The following ANKRD31 variants were observed in gnomAD, a reference collection of about 807,000 sequenced individuals.
ANKRD31 encodes ankyrin repeat domain 31.
Under a neutral mutation model 186.0 loss-of-function variants are expected in ANKRD31, and 147 were observed. The observed-to-expected ratio is 0.79, with a 90% CI of 0.69 to 0.91. ANKRD31 has a LOEUF of 0.91. Among genes scored for constraint, ANKRD31 ranks in the 40% least tolerant of loss-of-function variants. The probability of loss-of-function intolerance (pLI) is 0.00; values close to 1 mark genes in which losing one functional copy is unlikely to be tolerated. For missense variants in ANKRD31, 1,986 were observed against 2,148.8 expected (o/e 0.92, Z 1.50); for synonymous variants, 673 against 736.4 (o/e 0.91, Z 1.39).
At chr5:75,169,307 A>G (rs1753151179) in intron 10 of ANKRD31, 186 bp from the exon 11 acceptor site, 1 of 667,064 alleles carries the variant, frequency 1.5e-6, no homozygotes, top group Non-Finnish European at 2.4e-6. Flanking sequence ...TGAAGGACAA[A>G]TCAAACTCCT....
At chr5:75,148,712 G>T in intron 12 of ANKRD31, 84 bp from the exon 13 acceptor site, 1 of 981,070 alleles carries the variant, frequency 1.0e-6, no homozygotes, top group South Asian at 1.8e-5. Flanking sequence ...CCTTTGCCAC[G>T]AGAAAACCAA....
At chr5:75,148,473 T>C (rs1417315507) in intron 13 of ANKRD31, 103 bp downstream of exon 13, 1 of 775,612 alleles carries the variant, frequency 1.3e-6, no homozygotes, top group Non-Finnish European at 1.9e-6. Flanking sequence ...TGTGAAGTCA[T>C]TATTACTAAA....
chr5:75,224,145 ATATATATATATATATG>A (rs57150850), intron 2 of ANKRD31, among the ~76,000 whole-genome samples: 10,313 of 73,194 alleles, frequency 0.14, 490 homozygotes, highest in South Asian at 0.17. Context: ...ATATATATAT[ATATATATATATATATG>A]TATATATATA....
intron 21 of ANKRD31, among the ~76,000 whole-genome samples, chr5:75,107,165 A>T (rs1409375176): frequency 6.6e-6 from 1 of 152,038 alleles, no homozygotes; most frequent in Non-Finnish European, 1.5e-5. Context: ...GCTTAGAAGG[A>T]CGTTTGTGAC....
At chr5:75,156,723 G>A (rs574434877) in intron 11 of ANKRD31, among the ~76,000 whole-genome samples, 143 of 152,266 alleles carry the variant, frequency 9.4e-4, no homozygotes, top group African/African-American at 3.1e-3. Context: ...AGTCAAGGGA[G>A]AGGTTGAAGT....
intron 5 of ANKRD31, among the ~76,000 whole-genome samples, chr5:75,206,140 G>A: frequency 6.9e-6 from 1 of 145,530 alleles, no homozygotes; most frequent in South Asian, 2.2e-4. Context: ...CTACTCGGGA[G>A]GCTAAGGCAG....
chr5:75,235,375 T>G (rs1379430352), intron 1 of ANKRD31, among the ~76,000 whole-genome samples: 1 of 152,082 alleles, frequency 6.6e-6, no homozygotes, highest in Non-Finnish European at 1.5e-5. Context: ...GAATATTTTT[T>G]AAAAACTACT....
intron 18 of ANKRD31, among the ~76,000 whole-genome samples, chr5:75,117,059 T>G (rs887262229): frequency 1.3e-5 from 2 of 152,150 alleles, no homozygotes; most frequent in African/African-American, 4.8e-5. Flanking sequence ...TCTTAACCAA[T>G]ATGACTGGAT....
intron 12 of ANKRD31, among the ~76,000 whole-genome samples, chr5:75,151,623 T>C (rs1396793597): frequency 6.6e-6 from 1 of 152,054 alleles, no homozygotes; most frequent in Non-Finnish European, 1.5e-5. Context: ...CCTTTATAAG[T>C]TACCCAGTCT....
intron 11 of ANKRD31, among the ~76,000 whole-genome samples, chr5:75,155,215 G>A (rs902966704): frequency 8.5e-5 from 13 of 152,050 alleles, no homozygotes; most frequent in Non-Finnish European, 1.8e-4. Context: ...TGAGTCAGCC[G>A]TGGTTAATTT....
At position 75,080,267 on chromosome 5, in the gene ANKRD31, T is replaced by G. The variant is rs533156718; in HGVS notation, c.5647+301A>C. On this transcript the variant is annotated intron_variant, in intron 25 of 25. Coordinates refer to ENST00000506364, the MANE Select transcript of ANKRD31 (RefSeq NM_001372053.1). ...TAAATCCAGTTTTAAAACAGCAATC[T>G]TTTAAATCACGTTCATGCTTTCATT... 2.0e-5 allele frequency among the ~76,000 whole-genome samples: 3 copies of G among 152,338 alleles called. No homozygotes were observed. In the East Asian group the frequency reaches 5.8e-4, roughly 29 times the overall value.
chr5:75,093,397 G>A (rs1290666044), intron 22 of ANKRD31, among the ~76,000 whole-genome samples: 7 of 151,944 alleles, frequency 4.6e-5, no homozygotes, highest in African/African-American at 1.7e-4. Flanking sequence ...CAGGAGAATC[G>A]CTTGAACCTG....
intron 17 of ANKRD31, among the ~76,000 whole-genome samples, chr5:75,132,685 A>G (rs906953697): frequency 6.6e-5 from 10 of 152,284 alleles, no homozygotes; most frequent in East Asian, 5.8e-4. Flanking sequence ...GATACTCCTC[A>G]AGAAGAGCAA....
At chr5:75,202,056 C>T (rs192422598) in intron 5 of ANKRD31, among the ~76,000 whole-genome samples, 3 of 152,314 alleles carry the variant, frequency 2.0e-5, no homozygotes, top group South Asian at 4.1e-4. Context: ...CCAGACAAAA[C>T]CAATGTACTT....
chr5:75,131,135 G>A (rs902477853), intron 17 of ANKRD31, among the ~76,000 whole-genome samples: 16 of 152,124 alleles, frequency 1.1e-4, no homozygotes, highest in Non-Finnish European at 2.1e-4. Flanking sequence ...ACCACACGCA[G>A]CCCCAGCTCC....
Position 75,118,305 on chromosome 5 carries a change from G to T in ANKRD31, c.3877-8C>A. ...TAGTAGAATCTCAGCTGCCTACAAA[G>T]TATTTTTTCAAAGTTATCTCTACAG... On this transcript the variant is annotated splice_region_variant and splice_polypyrimidine_tract_variant and intron_variant, in intron 17 of 25. Transcript: ENST00000506364. The T allele has an allele frequency of 6.8e-7, 1 of 1,464,686 alleles. No homozygotes were observed. Among genetic ancestry groups the T allele is most frequent in the Non-Finnish European group, 8.9e-7 (1 of 1,119,222 alleles). 90.7% of individuals were successfully genotyped at this position (1,464,686 alleles called of 1,614,324 possible).
chr5:75,077,243 AT>A (rs1246748686), intron 25 of ANKRD31, among the ~76,000 whole-genome samples: 1 of 151,986 alleles, frequency 6.6e-6, no homozygotes, highest in African/African-American at 2.4e-5. Flanking sequence ...CAATTTTTCC[AT>A]TTTTAAAATA....
chr5:75,150,977 AG>A (rs1751803322), intron 12 of ANKRD31, among the ~76,000 whole-genome samples: 2 of 151,918 alleles, frequency 1.3e-5, no homozygotes. Flanking sequence ...CTTGGAAGGA[AG>A]TTTTTTGCTC....
chr5:75,215,894 T>C (rs1203012079), intron 3 of ANKRD31, among the ~76,000 whole-genome samples: 3 of 152,058 alleles, frequency 2.0e-5, no homozygotes, highest in Non-Finnish European at 4.4e-5. Context: ...GTTTCTCTCA[T>C]ATAGTTAAAT....
Sources: allele counts gnomAD v4.1 joint callset (sites outside exome capture counted in the v4.1 genomes callset), GRCh38; gene constraint gnomAD v4.1.1; transcripts MANE v1.5; gene names NCBI Gene and HGNC (gene_info 2026-07-23, HGNC 2026-07-21).